Variants in MPRIP observed in about 807,000 individuals in gnomAD.
The protein encoded by MPRIP is myosin phosphatase Rho interacting protein.
Under a neutral mutation model 234.9 loss-of-function variants are expected in MPRIP, and 59 were observed. The observed-to-expected ratio is 0.25, with a 90% CI of 0.20 to 0.31. MPRIP has a LOEUF of 0.31. Ranked by LOEUF, MPRIP falls within the 10% of genes least tolerant of loss-of-function variation. MPRIP has a pLI of 1.00. For missense variants in MPRIP, 2,436 were observed against 3,071.0 expected, an observed-to-expected ratio of 0.79 and a Z score of 4.89; for synonymous variants, 1,144 against 1,263.9, an observed-to-expected ratio of 0.91 and a Z score of 2.01.
intron 14 of MPRIP, among the ~76,000 whole-genome samples, chr17:17,160,521 A>G (rs936921868): frequency 2.0e-5 from 3 of 152,234 alleles, no homozygotes; most frequent in African/African-American, 7.2e-5. Context: ...GCCAGGCATC[A>G]GGAGGCACCT....
intron 3 of MPRIP, among the ~76,000 whole-genome samples, chr17:17,092,117 C>G (rs1597790362): frequency 6.6e-6 from 1 of 152,388 alleles, no homozygotes; most frequent in South Asian, 2.1e-4. Flanking sequence ...CCTGTACCAT[C>G]TTGTCGCTTC....
intron 1 of MPRIP, among the ~76,000 whole-genome samples, chr17:17,073,650 G>A (rs1017115861): frequency 6.6e-6 from 1 of 152,112 alleles, no homozygotes; most frequent in African/African-American, 2.4e-5. Flanking sequence ...TACACACAGG[G>A]AGTTGTCCAG....
chr17:17,056,423 C>A (rs1253666740), intron 1 of MPRIP, among the ~76,000 whole-genome samples: 1 of 152,170 alleles, frequency 6.6e-6, no homozygotes, highest in African/African-American at 2.4e-5. Context: ...GTCACTTTCC[C>A]CCTCCAGCTT....
intron 9 of MPRIP, among the ~76,000 whole-genome samples, chr17:17,144,987 G>T (rs945508954): frequency 1.3e-5 from 2 of 152,260 alleles, no homozygotes; most frequent in Non-Finnish European, 1.5e-5. Context: ...AGGGCTACTT[G>T]GGGTAGGGTG....
At chr17:17,169,042 T>G in intron 16 of MPRIP, 1 of 456,590 alleles carries the variant, frequency 2.2e-6, no homozygotes, top group South Asian at 1.5e-5. Flanking sequence ...CAGGTGTGGT[T>G]GTCAGCGAGC....
At chr17:17,096,271 GGTGTGTGTGTGTGCAGGGTGTGT>G (rs1249662759) in intron 3 of MPRIP, among the ~76,000 whole-genome samples, 5 of 147,816 alleles carry the variant, frequency 3.4e-5, no homozygotes, top group African/African-American at 1.3e-4. Flanking sequence ...TGCTTGGCAG[GGTGTGTGTGTGTGCAGGGTGTGT>G]GTGTGTGTGT....
intron 3 of MPRIP, among the ~76,000 whole-genome samples, chr17:17,080,518 C>T (rs2089437579): frequency 6.6e-6 from 1 of 152,204 alleles, no homozygotes; most frequent in Admixed American, 6.5e-5. Flanking sequence ...GGAAATAGAC[C>T]AGTGGTCCTC....
intron 2 of MPRIP, chr17:17,077,752 TAA>T (rs10560581): frequency 0.29 from 89,224 of 305,208 alleles, 5,112 homozygotes; most frequent in African/African-American, 0.37. Context: ...TTCCAAGTGT[TAA>T]AAAAAAAAAA....
intron 11 of MPRIP, among the ~76,000 whole-genome samples, chr17:17,149,108 G>T (rs1460991847): frequency 1.3e-5 from 2 of 152,178 alleles, no homozygotes. Flanking sequence ...GAGTTCATGG[G>T]CATGATTTCA....
chr17:17,049,971 G>A (rs1211783226), intron 1 of MPRIP, among the ~76,000 whole-genome samples: 1 of 152,158 alleles, frequency 6.6e-6, no homozygotes, highest in African/African-American at 2.4e-5. Flanking sequence ...GGCGGATCAC[G>A]AGGTCAGGAG....
chr17:17,088,671 C>G (rs1227007166), intron 3 of MPRIP, among the ~76,000 whole-genome samples: 1 of 152,114 alleles, frequency 6.6e-6, no homozygotes, highest in Admixed American at 6.5e-5. Flanking sequence ...TGCTCTGCCC[C>G]CTGCTGAGAT....
intron 8 of MPRIP, 133 bp downstream of exon 8, chr17:17,142,898 C>A: frequency 1.0e-6 from 1 of 980,248 alleles, no homozygotes; most frequent in Non-Finnish European, 1.5e-6. Flanking sequence ...ACCTCCTCTG[C>A]ATAGTGACTT....
chr17:17,137,786 G>A, intron 6 of MPRIP, 130 bp from the exon 7 acceptor site: 1 of 679,184 alleles, frequency 1.5e-6, no homozygotes, highest in East Asian at 3.1e-5. Flanking sequence ...AGTGGGGTGT[G>A]CTGGATGTTA....
At chr17:17,177,447 T>TG in intron 22 of MPRIP, 35 bp downstream of exon 22, 6 of 1,600,400 alleles carry the variant, frequency 3.7e-6, no homozygotes, top group African/African-American at 1.3e-5. Context: ...CGGTTATTGC[T>TG]GGGGGGCTTA....
chr17:17,144,640 G>A (rs753674195), intron 9 of MPRIP, among the ~76,000 whole-genome samples: 10 of 152,194 alleles, frequency 6.6e-5, no homozygotes, highest in Non-Finnish European at 1.0e-4. Flanking sequence ...GGCAGATCAC[G>A]AGGTCAAGAG....
At chr17:17,046,587 T>C (rs916894733) in intron 1 of MPRIP, among the ~76,000 whole-genome samples, 1 of 152,226 alleles carries the variant, frequency 6.6e-6, no homozygotes, top group Non-Finnish European at 1.5e-5. Context: ...TTGAGCCTTT[T>C]TTATAGTATT....
intron 23 of MPRIP, 68 bp from the exon 24 acceptor site, chr17:17,184,755 C>T: frequency 7.7e-7 from 1 of 1,290,328 alleles, no homozygotes. Context: ...CCGGTCTGGT[C>T]CGGTCCGGTC....
At chr17:17,141,232 A>T (rs1318281762) in intron 7 of MPRIP, among the ~76,000 whole-genome samples, 2 of 152,054 alleles carry the variant, frequency 1.3e-5, no homozygotes, top group African/African-American at 4.8e-5. Context: ...CCTGTTGGTG[A>T]GCCTTGAATC....
chr17:17,182,332 A>C (rs1040608104), intron 23 of MPRIP: 1 of 152,188 alleles, frequency 6.6e-6, no homozygotes, highest in Non-Finnish European at 1.5e-5. Flanking sequence ...AGCTGCTACA[A>C]AATCAAAGAC....
Sources: gnomAD v4.1 joint callset for allele counts (sites outside exome capture counted in the v4.1 genomes callset) on GRCh38, gnomAD v4.1.1 for gene constraint, MANE v1.5 for transcripts, NCBI Gene and HGNC (gene_info 2026-07-23, HGNC 2026-07-21) for gene names.